Variants in SCCPDH observed in about 807,000 individuals in gnomAD.
SCCPDH encodes the protein saccharopine dehydrogenase-like oxidoreductase.
In SCCPDH, 34 loss-of-function variants were observed where a neutral mutation model predicts 51.5. That is an observed-to-expected ratio of 0.66 (90% CI 0.50 to 0.88). The LOEUF is 0.88. Ranked by LOEUF, SCCPDH falls within the 40% of genes least tolerant of loss-of-function variation. The probability of loss-of-function intolerance (pLI) is 0.00; values close to 1 mark genes in which losing one functional copy is unlikely to be tolerated. For missense variants in SCCPDH, 464 were observed against 527.1 expected, an observed-to-expected ratio of 0.88 and a Z score of 1.17; for synonymous variants, 187 against 191.3, an observed-to-expected ratio of 0.98 and a Z score of 0.19.
At chr1:246,757,847 C>T (rs1026605928) in intron 5 of SCCPDH, among the ~76,000 whole-genome samples, 13 of 151,266 alleles carry the variant, frequency 8.6e-5, no homozygotes, top group Admixed American at 1.3e-4. Flanking sequence ...TGTGTAGGAT[C>T]GAGAGAGGAT....
intron 5 of SCCPDH, among the ~76,000 whole-genome samples, chr1:246,748,423 T>A (rs1668795703): frequency 1.3e-5 from 2 of 152,192 alleles, no homozygotes; most frequent in Admixed American, 6.5e-5. Context: ...GTAGTGTTGT[T>A]TGGGATTAAG....
intron 2 of SCCPDH, among the ~76,000 whole-genome samples, chr1:246,732,060 T>C (rs1668500608): frequency 6.6e-6 from 1 of 151,208 alleles, no homozygotes; most frequent in East Asian, 1.9e-4. Flanking sequence ...TTTTTATGCC[T>C]GTATAGTATT....
rs532981487 is a variant in SCCPDH, at chr1:246,737,618, G to GTC, written c.384+1574_384+1575dup. On this transcript the variant is annotated intron_variant, in intron 3 of 11. Coordinates refer to ENST00000366510, the MANE Select transcript of SCCPDH (RefSeq NM_016002.3). Reference sequence around the variant, plus strand: ...CCCCCCCCTTTTTTTTTGATACAGGGTCTCTCTCTCTCACCCAGGCTGGAG... The same window carrying GTC: ...CCCCCCCCTTTTTTTTTGATACAGGGTCTCTCTCTCTCTCACCCAGGCTGGAG... 8.3e-3 allele frequency among the ~76,000 whole-genome samples: 1,261 copies of GTC among 151,552 alleles called. 12 individuals are homozygous for GTC. Among genetic ancestry groups the GTC allele is most frequent in the Non-Finnish European group, 0.013 (859 of 67,892 alleles).
At chr1:246,756,282 GT>G (rs1186466015) in intron 5 of SCCPDH, among the ~76,000 whole-genome samples, 2 of 152,144 alleles carry the variant, frequency 1.3e-5, no homozygotes, top group African/African-American at 4.8e-5. Flanking sequence ...TAATTGTACT[GT>G]TTAGGGATGA....
rs940836095 is a variant in SCCPDH, at chr1:246,727,130, T to G, written c.303+126T>G. The G allele has an allele frequency of 5.5e-6, 4 of 722,308 alleles. No homozygotes were observed. The African/African-American group carries it at 7.1e-5, about 13-fold the overall frequency. 44.7% of individuals were successfully genotyped at this position (722,308 alleles called of 1,614,324 possible). A position where few individuals can be genotyped will look rare whatever the true frequency, so the allele number is the denominator to read the frequency against. On this transcript the variant is annotated intron_variant, in intron 2 of 11. Transcript: ENST00000366510. ...AAGGCCTTAACCCCATATGGGGAGTTTTTTCTTCTTGCGAGGAGCAGCTGG... is the reference window on the plus strand; with the variant it reads ...AAGGCCTTAACCCCATATGGGGAGTGTTTTCTTCTTGCGAGGAGCAGCTGG...
At chr1:246,743,596 A>T (rs966510493) in intron 4 of SCCPDH, among the ~76,000 whole-genome samples, 10 of 151,774 alleles carry the variant, frequency 6.6e-5, no homozygotes, top group African/African-American at 2.2e-4. Flanking sequence ...AAAAAAAAGA[A>T]AGTGACCCTC....
chr1:246,746,579 G>A (rs377121981), intron 5 of SCCPDH, among the ~76,000 whole-genome samples: 59 of 152,304 alleles, frequency 3.9e-4, no homozygotes, highest in African/African-American at 1.4e-3. Flanking sequence ...AGTGGCTCAC[G>A]CCTGTAATCC....
At chr1:246,724,648 G>A (rs1159438798) in intron 1 of SCCPDH, 36 bp downstream of exon 1, 3 of 1,423,268 alleles carry the variant, frequency 2.1e-6, no homozygotes, top group Non-Finnish European at 2.7e-6. Flanking sequence ...TGCGCGGGCG[G>A]CTGGGCCGGG....
At chr1:246,732,603 G>C (rs1398659761) in intron 2 of SCCPDH, among the ~76,000 whole-genome samples, 1 of 152,162 alleles carries the variant, frequency 6.6e-6, no homozygotes, top group Non-Finnish European at 1.5e-5. Context: ...GGTCAGGCTA[G>C]TCTTGAACTC....
chr1:246,724,815 G>A (rs1668362665), intron 1 of SCCPDH, among the ~76,000 whole-genome samples: 1 of 152,198 alleles, frequency 6.6e-6, no homozygotes, highest in African/African-American at 2.4e-5. Flanking sequence ...GTGCGCGTGC[G>A]TGTATAATAT....
chr1:246,726,860 A>G (rs1210067393), intron 1 of SCCPDH, 32 bp from the exon 2 acceptor site: 1 of 1,451,030 alleles, frequency 6.9e-7, no homozygotes, highest in Non-Finnish European at 9.7e-7. Flanking sequence ...CTCTACTGGG[A>G]TTTACTTTCC....
rs1023049756 is a variant in SCCPDH at position 246,764,257 on chromosome 1, C to G, written c.1002C>G (p.Ala334=). 3.1e-6 allele frequency: 5 copies of G among 1,611,832 alleles called. No homozygotes were observed. Among genetic ancestry groups the G allele is most frequent in the Non-Finnish European group, 3.4e-6 (4 of 1,178,258 alleles). Residue 334 remains alanine, a synonymous_variant, in exon 10 of 12, where the codon GCC becomes GCG. Coordinates refer to ENST00000366510, the MANE Select transcript of SCCPDH (RefSeq NM_016002.3). ...QGPTQKQIDA[A]SFTLTFFGQG... ...CTTCTCCTTCACAGATTGATGCTGC[C>G]TCATTCACGCTGACATTCTTTGGTC...
At chr1:246,764,941 T>C (rs955368086) in intron 10 of SCCPDH, among the ~76,000 whole-genome samples, 5 of 151,252 alleles carry the variant, frequency 3.3e-5, no homozygotes, top group South Asian at 2.1e-4. Flanking sequence ...GTATAATTAC[T>C]GTCAGAGACA....
rs145333306 is a variant in SCCPDH at position 246,741,211 on chromosome 1, G to A, written c.514+910G>A. ...TGTTCCAGCATATATTAAAAAGTTA[G>A]CATAACTATGAAACCAAAGTCCAAC... On this transcript the variant is annotated intron_variant, in intron 4 of 11. Coordinates refer to ENST00000366510, the MANE Select transcript of SCCPDH (RefSeq NM_016002.3). Among the ~76,000 whole-genome samples, 185 of 152,190 alleles carry A rather than the reference G, an allele frequency of 1.2e-3. 2 individuals are homozygous for A. The highest frequency in any genetic ancestry group is 4.2e-3 in the African/African-American group (176 of 41,528).
intron 5 of SCCPDH, among the ~76,000 whole-genome samples, chr1:246,751,776 CTTT>C (rs34218859): frequency 1.4e-5 from 2 of 138,352 alleles, no homozygotes; most frequent in Admixed American, 1.5e-4. Context: ...ATAAATTCTC[CTTT>C]TTTTTTTTTT....
chr1:246,739,866 T>C (rs1183899317), intron 3 of SCCPDH, among the ~76,000 whole-genome samples: 1 of 152,092 alleles, frequency 6.6e-6, no homozygotes, highest in African/African-American at 2.4e-5. Context: ...GGGTCATTTT[T>C]TTTTTGCTTT....
rs1248654560 is a variant in SCCPDH, at chr1:246,724,615, A to C, written c.190+3A>C. 1 of 1,482,774 alleles carries C rather than the reference A, an allele frequency of 6.7e-7. No homozygotes were observed. Among genetic ancestry groups the C allele is most frequent in the South Asian group, 1.3e-5 (1 of 78,014 alleles). 91.9% of individuals were successfully genotyped at this position (1,482,774 alleles called of 1,614,324 possible). On this transcript the variant is annotated splice_donor_region_variant and intron_variant, in intron 1 of 11. Coordinates refer to ENST00000366510, the MANE Select transcript of SCCPDH (RefSeq NM_016002.3). The stretch of plus-strand genomic sequence containing the variant: ...GGAGAAGGCGGCCCTGAAGCTGGGT[A>C]CAGCGGCGGGGCGGGACGGGGCTGC...
chr1:246,754,383 A>T (rs955647099), intron 5 of SCCPDH, among the ~76,000 whole-genome samples: 10 of 152,194 alleles, frequency 6.6e-5, no homozygotes, highest in Non-Finnish European at 1.2e-4. Context: ...ATGGGAGAGG[A>T]CCAGACCCTT....
rs951530769 is a variant in SCCPDH, at chr1:246,725,764, G to C, written c.191-1128G>C. ...TTTCTTTTTTCGGCTCAGCAAGATC[G>C]TACCGGTACAGCCTAGTCACTTATC... On this transcript the variant is annotated intron_variant, in intron 1 of 11. Coordinates refer to ENST00000366510, the MANE Select transcript of SCCPDH (RefSeq NM_016002.3). Among the ~76,000 whole-genome samples, 8 of 152,070 alleles carry C rather than the reference G, an allele frequency of 5.3e-5. 1 individual carries two copies. The highest frequency in any genetic ancestry group is 1.9e-4 in the African/African-American group (8 of 41,388).
Sources: gnomAD v4.1 joint callset for allele counts (sites outside exome capture counted in the v4.1 genomes callset) on GRCh38, gnomAD v4.1.1 for gene constraint, MANE v1.5 for transcripts, NCBI Gene and HGNC (gene_info 2026-07-23, HGNC 2026-07-21) for gene names.